PPP1R12B: variants seen among roughly 807,000 people sequenced by gnomAD.
PPP1R12B encodes myosin phosphatase target subunit 2.
PPP1R12B carries 76 observed loss-of-function variants against 126.1 expected under a neutral mutation model. That is an observed-to-expected ratio of 0.60 (90% confidence interval 0.50 to 0.73). The LOEUF (loss-of-function observed/expected upper bound fraction) is 0.73. Among genes scored for constraint, PPP1R12B ranks in the 30% least tolerant of loss-of-function variants. The pLI, the probability that PPP1R12B is intolerant of heterozygous loss-of-function variation, is 0.00. For synonymous variants in PPP1R12B, 356 were observed against 434.7 expected (o/e 0.82, Z 2.25); for missense variants, 1,052 against 1,205.1 (o/e 0.87, Z 1.88).
chr1:202,360,378 A>G (rs1163354554), intron 1 of PPP1R12B, among the ~76,000 whole-genome samples: 6 of 152,174 alleles, frequency 3.9e-5, no homozygotes, highest in Non-Finnish European at 2.9e-5. Flanking sequence ...AGCTCCTTGT[A>G]TTGCGCTTCT....
At position 202,493,193 on chromosome 1, in the gene PPP1R12B, C is replaced by G; in HGVS notation, c.2021C>G (p.Pro674Arg). The G allele has an allele frequency of 6.2e-7, 1 of 1,612,676 alleles. No individual in the cohort carries two copies. The highest frequency in any genetic ancestry group is 8.5e-7 in the Non-Finnish European group (1 of 1,179,862). Residue 674 changes from proline (P) to arginine (R), a missense_variant, in exon 15 of 24, where the codon CCT becomes CGT. Physicochemically the swap from Pro to Arg is moderately radical, Grantham distance 103. Coordinates refer to ENST00000608999, the MANE Select transcript of PPP1R12B (RefSeq NM_002481.4). ...SRAERQAQEQ[P>R]REKPTDTEGL... ...GCAGAGAGGCAAGCTCAGGAGCAGC[C>G]TCGTGAGAAGCCCACAGACACTGAA...
chr1:202,555,558 T>TCA (rs1686839943), intron 18 of PPP1R12B, among the ~76,000 whole-genome samples: 1 of 151,368 alleles, frequency 6.6e-6, no homozygotes, highest in Non-Finnish European at 1.5e-5. Context: ...AAGTTAGGCC[T>TCA]CAGTCTGCAC....
rs1026756770 is a variant in PPP1R12B, at chr1:202,438,204, T to G, written c.1458+180T>G. On this transcript the variant is annotated intron_variant, in intron 10 of 23. Transcript: ENST00000608999. ...AAGTAGCTATTTGCTTGCTATTGTTTGCTTGACCAAAAAAGAAAATAAAAA... is the reference window on the plus strand; with the variant it reads ...AAGTAGCTATTTGCTTGCTATTGTTGGCTTGACCAAAAAAGAAAATAAAAA... The G allele has an allele frequency of 1.9e-6, 3 of 1,562,844 alleles. No individual in the cohort carries two copies. The African/African-American group carries it at 4.1e-5, about 21-fold the overall frequency.
chr1:202,386,545 T>A (rs1201862165), intron 1 of PPP1R12B, among the ~76,000 whole-genome samples: 1 of 151,926 alleles, frequency 6.6e-6, no homozygotes, highest in Non-Finnish European at 1.5e-5. Flanking sequence ...GGTCTCGATC[T>A]CCTGACCTCG....
At chr1:202,455,712 A>T (rs906412080) in intron 13 of PPP1R12B, among the ~76,000 whole-genome samples, 2 of 152,182 alleles carry the variant, frequency 1.3e-5, no homozygotes, top group African/African-American at 4.8e-5. Flanking sequence ...ATCTGGTTTG[A>T]TTTCTCTTGA....
chr1:202,525,394 AATG>A (rs1683212665), intron 18 of PPP1R12B, among the ~76,000 whole-genome samples: 1 of 152,138 alleles, frequency 6.6e-6, no homozygotes, highest in Non-Finnish European at 1.5e-5. Context: ...GAAAAAAAAA[AATG>A]TATCATGAAA....
At chr1:202,384,017 C>T (rs191760007) in intron 1 of PPP1R12B, among the ~76,000 whole-genome samples, 32 of 152,272 alleles carry the variant, frequency 2.1e-4, no homozygotes, top group African/African-American at 7.5e-4. Context: ...TTCACACCCA[C>T]TAGGATGGCT....
At chr1:202,464,894 C>T (rs573876942) in intron 13 of PPP1R12B, among the ~76,000 whole-genome samples, 1 of 152,118 alleles carries the variant, frequency 6.6e-6, no homozygotes, top group Non-Finnish European at 1.5e-5. Context: ...ATAATATGTC[C>T]TTGAGAGCAA....
At chr1:202,428,597 G>A (rs1210782413) in intron 5 of PPP1R12B, 1 of 407,150 alleles carries the variant, frequency 2.5e-6, no homozygotes, top group Non-Finnish European at 4.3e-6. Context: ...TATTTGCCAG[G>A]TGGCAGTAAG....
intron 18 of PPP1R12B, among the ~76,000 whole-genome samples, chr1:202,530,227 A>G (rs770107282): frequency 4.6e-5 from 7 of 152,074 alleles, no homozygotes; most frequent in Non-Finnish European, 8.8e-5. Flanking sequence ...AGCATTCAGC[A>G]TCCCTGAGCC....
intron 1 of PPP1R12B, among the ~76,000 whole-genome samples, chr1:202,373,947 G>A (rs557745719): frequency 9.9e-4 from 151 of 151,858 alleles, no homozygotes; most frequent in African/African-American, 3.4e-3. Context: ...ATTTCTAATG[G>A]TCAAGAAGGT....
At chr1:202,461,256 A>G (rs2148757085) in intron 13 of PPP1R12B, among the ~76,000 whole-genome samples, 1 of 152,236 alleles carries the variant, frequency 6.6e-6, no homozygotes, top group Non-Finnish European at 1.5e-5. Context: ...GGTTAAATAA[A>G]TCAAGTTCCG....
At chr1:202,410,689 T>A (rs1558190889) in intron 1 of PPP1R12B, among the ~76,000 whole-genome samples, 1 of 152,184 alleles carries the variant, frequency 6.6e-6, no homozygotes, top group Non-Finnish European at 1.5e-5. Flanking sequence ...ATTGGTAAAA[T>A]CAAGTATTTT....
intron 18 of PPP1R12B, among the ~76,000 whole-genome samples, chr1:202,524,338 G>C (rs756636298): frequency 2.0e-5 from 3 of 152,136 alleles, no homozygotes; most frequent in Non-Finnish European, 4.4e-5. Context: ...AAGCAGGTTG[G>C]GGAAGAAAAC....
intron 21 of PPP1R12B, among the ~76,000 whole-genome samples, chr1:202,567,012 C>T (rs3767395): frequency 0.43 from 66,090 of 152,092 alleles, 15,717 homozygotes; most frequent in East Asian, 0.71. Context: ...TAAGGAAGGG[C>T]CATTATCTGA....
At chr1:202,474,811 A>T (rs1676430114) in intron 13 of PPP1R12B, among the ~76,000 whole-genome samples, 1 of 152,192 alleles carries the variant, frequency 6.6e-6, no homozygotes, top group Non-Finnish European at 1.5e-5. Context: ...ACCACATGTG[A>T]CTAGTGGCAA....
chr1:202,421,172 C>T (rs1668706826), intron 2 of PPP1R12B, among the ~76,000 whole-genome samples: 1 of 151,344 alleles, frequency 6.6e-6, no homozygotes, highest in African/African-American at 2.4e-5. Flanking sequence ...TCAGGCTTGT[C>T]TCAAACTCCT....
chr1:202,360,440 G>A (rs1314478955), intron 1 of PPP1R12B, among the ~76,000 whole-genome samples: 2 of 152,160 alleles, frequency 1.3e-5, no homozygotes, highest in Admixed American at 1.3e-4. Flanking sequence ...CGGGTGCAGT[G>A]GCTTACACCT....
intron 18 of PPP1R12B, among the ~76,000 whole-genome samples, chr1:202,536,064 G>A (rs2148951079): frequency 6.6e-6 from 1 of 152,296 alleles, no homozygotes; most frequent in Admixed American, 6.5e-5. Context: ...TCAGGCAGTT[G>A]TGTTTTGCTC....
Sources: allele counts gnomAD v4.1 joint callset (sites outside exome capture counted in the v4.1 genomes callset), GRCh38; gene constraint gnomAD v4.1.1; transcripts MANE v1.5; gene names NCBI Gene and HGNC (gene_info 2026-07-23, HGNC 2026-07-21).